The following SPOCK3 variants were observed in gnomAD, a reference collection of about 807,000 sequenced individuals.
SPOCK3 encodes the protein testican-3.
SPOCK3 carries 30 observed loss-of-function variants against 56.6 expected under a neutral mutation model. The ratio of observed to expected loss-of-function variants is 0.53; its 90% confidence interval spans 0.40 to 0.72. SPOCK3 has a LOEUF of 0.72. SPOCK3 is among the 30% of genes least tolerant of loss of function. SPOCK3 has a pLI of 0.00. For missense variants in SPOCK3, 527 were observed against 530.0 expected, an observed-to-expected ratio of 0.99 and a Z score of 0.06; for synonymous variants, 196 against 183.3, an observed-to-expected ratio of 1.07 and a Z score of -0.56.
At chr4:166,933,839 C>A (rs1165383014) in intron 4 of SPOCK3, among the ~76,000 whole-genome samples, 1 of 152,128 alleles carries the variant, frequency 6.6e-6, no homozygotes, top group Non-Finnish European at 1.5e-5. Context: ...CTTTCTCCTG[C>A]AATGAAATCC....
At chr4:166,979,621 C>T (rs1746358956) in intron 4 of SPOCK3, among the ~76,000 whole-genome samples, 2 of 152,116 alleles carry the variant, frequency 1.3e-5, no homozygotes, top group South Asian at 2.1e-4. Context: ...TCTTGTTACA[C>T]CAGATACTCC....
intron 2 of SPOCK3, among the ~76,000 whole-genome samples, chr4:167,225,704 C>A (rs1405222068): frequency 6.6e-6 from 1 of 151,942 alleles, no homozygotes; most frequent in African/African-American, 2.4e-5. Flanking sequence ...GACAGTGCAA[C>A]TCACCATCTC....
At chr4:166,847,183 A>G (rs1278730507) in intron 6 of SPOCK3, among the ~76,000 whole-genome samples, 6 of 152,120 alleles carry the variant, frequency 3.9e-5, no homozygotes, top group African/African-American at 1.4e-4. Context: ...GGAGGAAATA[A>G]GACAGATGTA....
At chr4:166,800,054 T>C (rs1229679574) in intron 6 of SPOCK3, among the ~76,000 whole-genome samples, 5 of 151,140 alleles carry the variant, frequency 3.3e-5, no homozygotes, top group Admixed American at 6.6e-5. Context: ...TGGTGGCGGG[T>C]GCCTGTAGTC....
intron 2 of SPOCK3, among the ~76,000 whole-genome samples, chr4:167,127,739 T>G (rs1762400007): frequency 6.6e-6 from 1 of 152,226 alleles, no homozygotes; most frequent in Admixed American, 6.5e-5. Flanking sequence ...GGAAAATTTC[T>G]TAATTGGTAA....
Position 166,924,405 on chromosome 4 carries a change from A to G in SPOCK3, c.351-11662T>C, listed in dbSNP as rs373961558. On this transcript the variant is annotated intron_variant, in intron 4 of 10. Transcript: ENST00000357545. ...TATAAAGGCTTTTAAAAAATACTTT[A>G]AACCTTTCAGAACACTGTTAATTTA... 8.1e-4 allele frequency among the ~76,000 whole-genome samples: 124 copies of G among 152,318 alleles called. 1 individual carries two copies. In the South Asian group the frequency reaches 0.025, roughly 31 times the overall value.
chr4:166,736,150 C>G (rs894710572), intron 10 of SPOCK3, among the ~76,000 whole-genome samples: 1 of 151,898 alleles, frequency 6.6e-6, no homozygotes, highest in Non-Finnish European at 1.5e-5. Context: ...ACTAAAATTC[C>G]CATCTTAACT....
At chr4:167,035,187 C>T (rs1580074173) in intron 3 of SPOCK3, among the ~76,000 whole-genome samples, 1 of 151,890 alleles carries the variant, frequency 6.6e-6, no homozygotes, top group East Asian at 1.9e-4. Flanking sequence ...GGTCAAAGGA[C>T]AAAAAAAGCT....
At chr4:166,799,123 C>A (rs1742276477) in intron 6 of SPOCK3, among the ~76,000 whole-genome samples, 1 of 152,094 alleles carries the variant, frequency 6.6e-6, no homozygotes, top group African/African-American at 2.4e-5. Flanking sequence ...GGCTTTCAAG[C>A]CTATTATCAA....
chr4:167,006,967 A>G (rs1749532006), intron 3 of SPOCK3, among the ~76,000 whole-genome samples: 2 of 152,120 alleles, frequency 1.3e-5, no homozygotes, highest in South Asian at 4.1e-4. Flanking sequence ...ATTCTTTTCT[A>G]TAGAGATTCC....
intron 8 of SPOCK3, among the ~76,000 whole-genome samples, chr4:166,749,858 C>A (rs1036179355): frequency 1.3e-4 from 19 of 151,936 alleles, no homozygotes; most frequent in Non-Finnish European, 1.8e-4. Flanking sequence ...CCAAATATGA[C>A]ATTTAAGAAC....
chr4:167,098,436 G>A (rs1759348550), intron 2 of SPOCK3, among the ~76,000 whole-genome samples: 1 of 151,860 alleles, frequency 6.6e-6, no homozygotes, highest in African/African-American at 2.4e-5. Flanking sequence ...TTCTGCTGCA[G>A]GTAAGGAGAT....
chr4:166,764,133 G>C (rs895319707), intron 7 of SPOCK3, among the ~76,000 whole-genome samples: 1 of 151,906 alleles, frequency 6.6e-6, no homozygotes, highest in Non-Finnish European at 1.5e-5. Context: ...CATCTTCAAA[G>C]CCATTTCTTC....
At chr4:166,856,491 G>A (rs566663267) in intron 6 of SPOCK3, among the ~76,000 whole-genome samples, 40 of 152,126 alleles carry the variant, frequency 2.6e-4, no homozygotes, top group African/African-American at 8.7e-4. Context: ...AATATATACA[G>A]TCGGCCAGGC....
intron 2 of SPOCK3, among the ~76,000 whole-genome samples, chr4:167,071,910 C>T (rs1177587334): frequency 6.6e-6 from 1 of 151,994 alleles, no homozygotes; most frequent in African/African-American, 2.4e-5. Context: ...TTAATGATCG[C>T]CATTCTAACT....
At chr4:167,024,514 A>G (rs926846412) in intron 3 of SPOCK3, among the ~76,000 whole-genome samples, 2 of 152,070 alleles carry the variant, frequency 1.3e-5, no homozygotes, top group Non-Finnish European at 1.5e-5. Context: ...CCCTACAATT[A>G]TATTTCTAGA....
intron 4 of SPOCK3, among the ~76,000 whole-genome samples, chr4:166,979,317 T>C (rs1186743838): frequency 6.6e-6 from 1 of 152,110 alleles, no homozygotes; most frequent in African/African-American, 2.4e-5. Flanking sequence ...TCTCTTGCTT[T>C]ACTGAACTCC....
chr4:166,738,878 AT>A, intron 9 of SPOCK3, among the ~76,000 whole-genome samples: 1 of 152,096 alleles, frequency 6.6e-6, no homozygotes, highest in East Asian at 1.9e-4. Context: ...ATTGTTGGAC[AT>A]TTGGGTTGGT....
At chr4:166,863,227 A>G (rs969964220) in intron 6 of SPOCK3, among the ~76,000 whole-genome samples, 1 of 152,116 alleles carries the variant, frequency 6.6e-6, no homozygotes, top group African/African-American at 2.4e-5. Flanking sequence ...ATTTTGTACC[A>G]CCAGGCCTGC....
Sources: allele counts gnomAD v4.1 joint callset (sites outside exome capture counted in the v4.1 genomes callset), GRCh38; gene constraint gnomAD v4.1.1; transcripts MANE v1.5; gene names NCBI Gene and HGNC (gene_info 2026-07-23, HGNC 2026-07-21).